The following IFT25 variants were observed in gnomAD, a reference collection of about 807,000 sequenced individuals.
IFT25 encodes the protein intraflagellar transport protein 25 homolog.
the IFT25 span, chr1:53,929,497 T>C: frequency 6.6e-6 from 1 of 152,306 alleles, no homozygotes; most frequent in Non-Finnish European, 1.5e-5. Flanking sequence ...CATGATTTTG[T>C]CTGATACATT....
chr1:53,938,261 G>C, the IFT25 span, among the ~76,000 whole-genome samples: 1 of 152,196 alleles, frequency 6.6e-6, no homozygotes, highest in Non-Finnish European at 1.5e-5. Context: ...ATATGTATGT[G>C]TGTATGTGTG....
At chr1:53,912,353 T>C in the IFT25 span, among the ~76,000 whole-genome samples, 17,117 of 152,248 alleles carry the variant, frequency 0.11, 1,132 homozygotes, top group African/African-American at 0.18. Flanking sequence ...TGAGCATTGA[T>C]TCTTTTCTGG....
the IFT25 span, among the ~76,000 whole-genome samples, chr1:53,945,152 G>A: frequency 6.6e-6 from 1 of 152,192 alleles, no homozygotes; most frequent in African/African-American, 2.4e-5. Flanking sequence ...TAAAGCCTCA[G>A]ACTTGTGGAG....
At chr1:53,942,755 T>C in the IFT25 span, among the ~76,000 whole-genome samples, 1 of 152,224 alleles carries the variant, frequency 6.6e-6, no homozygotes, top group African/African-American at 2.4e-5. Flanking sequence ...GTGCTAGTAG[T>C]GCAAAGATGA....
the IFT25 span, among the ~76,000 whole-genome samples, chr1:53,944,828 T>C: frequency 2.4e-4 from 36 of 152,290 alleles, 1 homozygote; most frequent in Middle Eastern, 0.014. Flanking sequence ...CCAGTGCCAC[T>C]GGTTTCGTCC....
chr1:53,946,117 C>G, the IFT25 span: 1 of 152,046 alleles, frequency 6.6e-6, no homozygotes, highest in African/African-American at 2.4e-5. Context: ...TCCTGTGCGC[C>G]TTTCCCCAGG....
chr1:53,929,917 C>T, the IFT25 span: 3 of 1,351,228 alleles, frequency 2.2e-6, no homozygotes, highest in South Asian at 2.0e-5. Flanking sequence ...TAGTGTTTTG[C>T]CAAAAGTTTA....
the IFT25 span, chr1:53,928,295 A>G: frequency 8.7e-7 from 1 of 1,153,268 alleles, no homozygotes; most frequent in Non-Finnish European, 1.3e-6. Context: ...ACCAAAGTGC[A>G]GCTAGATGAG....
At chr1:53,941,016 T>C in the IFT25 span, among the ~76,000 whole-genome samples, 3 of 151,704 alleles carry the variant, frequency 2.0e-5, no homozygotes, top group African/African-American at 7.3e-5. Flanking sequence ...TTTTTTGAGA[T>C]GGAGTCTCAG....
chr1:53,941,036 C>G, the IFT25 span, among the ~76,000 whole-genome samples: 1 of 151,952 alleles, frequency 6.6e-6, no homozygotes, highest in Non-Finnish European at 1.5e-5. Context: ...GTCTTGTTGC[C>G]CAGGCTGGAG....
chr1:53,932,740 T>C, the IFT25 span, among the ~76,000 whole-genome samples: 2 of 151,856 alleles, frequency 1.3e-5, no homozygotes, highest in Admixed American at 1.3e-4. Context: ...AATTTTTGTG[T>C]TTTTTCGTAG....
chr1:53,935,630 CTT>C, the IFT25 span, among the ~76,000 whole-genome samples: 37 of 143,122 alleles, frequency 2.6e-4, no homozygotes, highest in Non-Finnish European at 2.3e-4. Context: ...GCCAGAACTA[CTT>C]TTTTTTTTTT....
the IFT25 span, among the ~76,000 whole-genome samples, chr1:53,915,987 C>G: frequency 6.6e-6 from 1 of 152,282 alleles, no homozygotes; most frequent in African/African-American, 2.4e-5. Flanking sequence ...GAGCTCGAGA[C>G]TAGCCTGGGC....
At chr1:53,929,979 T>C in the IFT25 span, 1 of 1,494,574 alleles carries the variant, frequency 6.7e-7, no homozygotes, top group Non-Finnish European at 8.8e-7. Flanking sequence ...AAAACTAAAA[T>C]ATTAGCCTTA....
At chr1:53,930,411 C>T in the IFT25 span, among the ~76,000 whole-genome samples, 2 of 152,142 alleles carry the variant, frequency 1.3e-5, no homozygotes, top group South Asian at 2.1e-4. Flanking sequence ...TTCTAAACTC[C>T]TTCGTATGGC....
the IFT25 span, among the ~76,000 whole-genome samples, chr1:53,918,284 T>C: frequency 1.3e-5 from 2 of 152,228 alleles, no homozygotes; most frequent in African/African-American, 2.4e-5. Flanking sequence ...AATATATTGT[T>C]AAAAAATCAT....
At chr1:53,929,498 C>A in the IFT25 span, 2 of 152,206 alleles carry the variant, frequency 1.3e-5, no homozygotes, top group Admixed American at 1.3e-4. Context: ...ATGATTTTGT[C>A]TGATACATTT....
chr1:53,939,963 A>T, the IFT25 span: 1 of 1,386,926 alleles, frequency 7.2e-7, no homozygotes. Flanking sequence ...GACTGTAAAC[A>T]ACAAAGTATA....
the IFT25 span, among the ~76,000 whole-genome samples, chr1:53,936,095 TA>T: frequency 2.5e-3 from 359 of 141,846 alleles, no homozygotes; most frequent in Middle Eastern, 3.6e-3. Context: ...CCCTGTCTCT[TA>T]AAAAAAAAAA....
Sources: gnomAD v4.1 joint callset for allele counts (sites outside exome capture counted in the v4.1 genomes callset) on GRCh38, gnomAD v4.1.1 for gene constraint, MANE v1.5 for transcripts, NCBI Gene and HGNC (gene_info 2026-07-23, HGNC 2026-07-21) for gene names.